The following KCNJ3 variants were observed in gnomAD, a reference collection of about 807,000 sequenced individuals.
The protein encoded by KCNJ3 is potassium inwardly rectifying channel subfamily J member 3.
A neutral mutation model predicts 39.2 loss-of-function variants in KCNJ3; 4 were observed. That is an observed-to-expected ratio of 0.10 (90% confidence interval 0.05 to 0.23). The LOEUF is 0.23. Among genes scored for constraint, KCNJ3 ranks in the 10% least tolerant of loss-of-function variants. KCNJ3 has a pLI of 1.00. For missense variants in KCNJ3, 276 were observed against 634.9 expected, an observed-to-expected ratio of 0.43 and a Z score of 6.08; for synonymous variants, 230 against 237.4, an observed-to-expected ratio of 0.97 and a Z score of 0.29.
At chr2:154,737,299 G>T (rs1046504223) in intron 2 of KCNJ3, among the ~76,000 whole-genome samples, 1 of 152,162 alleles carries the variant, frequency 6.6e-6, no homozygotes, top group African/African-American at 2.4e-5. Context: ...GCTTAAAAAG[G>T]TTTAAAAGTA....
At chr2:154,781,413 GAATAC>G (rs1686434947) in intron 2 of KCNJ3, among the ~76,000 whole-genome samples, 1 of 152,048 alleles carries the variant, frequency 6.6e-6, no homozygotes, top group Admixed American at 6.5e-5. Flanking sequence ...ACTAATAGAT[GAATAC>G]GAAATTATCC....
At chr2:154,706,280 A>G (rs1685007767) in intron 1 of KCNJ3, among the ~76,000 whole-genome samples, 1 of 152,142 alleles carries the variant, frequency 6.6e-6, no homozygotes, top group African/African-American at 2.4e-5. Context: ...AAAGGAGATA[A>G]CTGCATCATC....
At position 154,855,390 on chromosome 2, in the gene KCNJ3, A is replaced by G. The variant is rs559870738; in HGVS notation, c.*77A>G. 16 of 959,778 alleles carry G rather than the reference A, an allele frequency of 1.7e-5. No individual in the cohort carries two copies. Among genetic ancestry groups the G allele is most frequent in the Non-Finnish European group, 2.5e-5 (16 of 651,880 alleles). 59.5% of individuals were successfully genotyped at this position (959,778 alleles called of 1,614,324 possible). ...ATTTGGCGATGAGGTAATTCTCCCT[A>G]AGGAATCTGAAAGTATATTTTCCTC... On this transcript the variant is annotated 3_prime_UTR_variant, in exon 3 of 3. Transcript: ENST00000295101.
intron 2 of KCNJ3, among the ~76,000 whole-genome samples, chr2:154,792,848 T>A (rs767133697): frequency 7.3e-4 from 111 of 152,130 alleles, no homozygotes; most frequent in Non-Finnish European, 1.4e-3. Context: ...CTTGGCAAAC[T>A]GTTTTCTGAA....
chr2:154,778,579 G>A (rs142078597), intron 2 of KCNJ3, among the ~76,000 whole-genome samples: 4,349 of 152,132 alleles, frequency 0.029, 106 homozygotes, highest in Admixed American at 0.085. Context: ...GAGATTTGTC[G>A]TAGAATTAGA....
intron 2 of KCNJ3, among the ~76,000 whole-genome samples, chr2:154,719,336 G>A (rs114758063): frequency 2.0e-5 from 3 of 152,144 alleles, no homozygotes; most frequent in African/African-American, 7.2e-5. Flanking sequence ...AAAACTGGAA[G>A]AGAACATAGC....
chr2:154,702,559 T>C (rs550693189), intron 1 of KCNJ3, among the ~76,000 whole-genome samples: 1 of 151,960 alleles, frequency 6.6e-6, no homozygotes, highest in Admixed American at 6.5e-5. Context: ...ATTTTTATTA[T>C]GCTTTTCACT....
intron 2 of KCNJ3, among the ~76,000 whole-genome samples, chr2:154,781,224 A>T (rs963784678): frequency 6.6e-6 from 1 of 152,194 alleles, no homozygotes; most frequent in Non-Finnish European, 1.5e-5. Flanking sequence ...GCCCAGTGAG[A>T]CATGTTTCAG....
At chr2:154,850,195 T>C (rs2105139040) in intron 2 of KCNJ3, among the ~76,000 whole-genome samples, 1 of 152,152 alleles carries the variant, frequency 6.6e-6, no homozygotes, top group Non-Finnish European at 1.5e-5. Flanking sequence ...CAAACAGTTG[T>C]GTTGCTGGCT....
chr2:154,819,238 T>C (rs1291574724), intron 2 of KCNJ3, among the ~76,000 whole-genome samples: 1 of 152,122 alleles, frequency 6.6e-6, no homozygotes, highest in African/African-American at 2.4e-5. Context: ...AACTTTGTCC[T>C]AGTTTCATGG....
intron 2 of KCNJ3, among the ~76,000 whole-genome samples, chr2:154,846,425 C>T (rs1173848248): frequency 6.6e-6 from 1 of 152,040 alleles, no homozygotes; most frequent in Non-Finnish European, 1.5e-5. Context: ...TATTTACCAG[C>T]TAATATAGTA....
At chr2:154,766,089 A>T (rs1207002487) in intron 2 of KCNJ3, among the ~76,000 whole-genome samples, 1 of 152,222 alleles carries the variant, frequency 6.6e-6, no homozygotes, top group Non-Finnish European at 1.5e-5. Context: ...GTTGCTAAGG[A>T]CATAAATAAT....
chr2:154,753,058 GC>G (rs1172382824), intron 2 of KCNJ3, among the ~76,000 whole-genome samples: 3 of 151,990 alleles, frequency 2.0e-5, no homozygotes, highest in Non-Finnish European at 2.9e-5. Flanking sequence ...CTCAGTTGAA[GC>G]CTCTAATTCT....
intron 2 of KCNJ3, among the ~76,000 whole-genome samples, chr2:154,834,557 A>ATCT (rs546648279): frequency 1.0e-3 from 158 of 152,070 alleles, no homozygotes; most frequent in African/African-American, 3.6e-3. Flanking sequence ...GTGAAACGCC[A>ATCT]TCTTTACTAA....
chr2:154,849,215 A>C (rs1202254769), intron 2 of KCNJ3, among the ~76,000 whole-genome samples: 1 of 152,186 alleles, frequency 6.6e-6, no homozygotes, highest in African/African-American at 2.4e-5. Flanking sequence ...AGTTGTGAGG[A>C]TTAAAGACAA....
At chr2:154,724,022 A>G (rs1335457329) in intron 2 of KCNJ3, among the ~76,000 whole-genome samples, 1 of 152,194 alleles carries the variant, frequency 6.6e-6, no homozygotes, top group Non-Finnish European at 1.5e-5. Context: ...ATTAAATTCT[A>G]GAGAGCACTG....
At chr2:154,733,852 T>C (rs16838055) in intron 2 of KCNJ3, among the ~76,000 whole-genome samples, 2,674 of 152,242 alleles carry the variant, frequency 0.018, 53 homozygotes, top group East Asian at 0.1. Context: ...CCATAGAAGA[T>C]TGAAGAGGAG....
intron 2 of KCNJ3, among the ~76,000 whole-genome samples, chr2:154,768,263 T>C (rs1425611294): frequency 6.6e-6 from 1 of 152,246 alleles, no homozygotes; most frequent in Non-Finnish European, 1.5e-5. Flanking sequence ...TCTTTGCCCA[T>C]GCCTATGTCC....
intron 2 of KCNJ3, among the ~76,000 whole-genome samples, chr2:154,826,456 T>C (rs953554206): frequency 6.6e-6 from 1 of 152,192 alleles, no homozygotes; most frequent in Non-Finnish European, 1.5e-5. Flanking sequence ...AAGACACTAG[T>C]CATTTGCAGT....
Sources: gnomAD v4.1 joint callset for allele counts (sites outside exome capture counted in the v4.1 genomes callset) on GRCh38, gnomAD v4.1.1 for gene constraint, MANE v1.5 for transcripts, NCBI Gene and HGNC (gene_info 2026-07-23, HGNC 2026-07-21) for gene names.